The following KIF6 variants were observed in gnomAD, a reference collection of about 807,000 sequenced individuals.
KIF6 encodes kinesin-like protein KIF6.
Under a neutral mutation model 112.7 loss-of-function variants are expected in KIF6, and 106 were observed. The ratio of observed to expected loss-of-function variants is 0.94; its 90% confidence interval spans 0.80 to 1.11. The LOEUF (loss-of-function observed/expected upper bound fraction) is 1.11. KIF6 is among the 50% of genes least tolerant of loss of function. The pLI, the probability that KIF6 is intolerant of heterozygous loss-of-function variation, is 0.00. For synonymous variants in KIF6, 339 were observed against 339.9 expected, an observed-to-expected ratio of 1.00 and a Z score of 0.03; for missense variants, 929 against 964.0, an observed-to-expected ratio of 0.96 and a Z score of 0.48.
intron 13 of KIF6, among the ~76,000 whole-genome samples, chr6:39,445,760 G>T (rs761071330): frequency 6.6e-6 from 1 of 152,178 alleles, no homozygotes; most frequent in Non-Finnish European, 1.5e-5. Context: ...GAGGAAAGGG[G>T]GTCAGTGTTA....
chr6:39,441,160 A>G (rs747409365), intron 13 of KIF6, among the ~76,000 whole-genome samples: 11 of 152,188 alleles, frequency 7.2e-5, no homozygotes, highest in Non-Finnish European at 1.3e-4. Flanking sequence ...TTCACTCTTC[A>G]TACCCCTAGA....
intron 7 of KIF6, among the ~76,000 whole-genome samples, chr6:39,592,867 G>T (rs1207773046): frequency 6.6e-6 from 1 of 152,198 alleles, no homozygotes; most frequent in Admixed American, 6.5e-5. Context: ...AGGTCTCACA[G>T]TTATGGCCAA....
At chr6:39,565,566 C>T (rs1157040211) in intron 10 of KIF6, among the ~76,000 whole-genome samples, 1 of 152,186 alleles carries the variant, frequency 6.6e-6, no homozygotes, top group African/African-American at 2.4e-5. Context: ...CTTTAGCCCA[C>T]AGGTTTGTAA....
chr6:39,684,613 T>C (rs556193919), intron 3 of KIF6, among the ~76,000 whole-genome samples: 1 of 111,160 alleles, frequency 9.0e-6, no homozygotes, highest in African/African-American at 3.3e-5. Context: ...CAAACCTCTG[T>C]CTCAAAAAAA....
At chr6:39,721,781 TA>T (rs1234256756) in intron 1 of KIF6, among the ~76,000 whole-genome samples, 428 of 129,622 alleles carry the variant, frequency 3.3e-3, no homozygotes, top group East Asian at 0.02. Context: ...TAATGCACCA[TA>T]AAAAAAAAAA....
chr6:39,525,695 A>G (rs1006684270), intron 13 of KIF6, among the ~76,000 whole-genome samples: 1 of 152,086 alleles, frequency 6.6e-6, no homozygotes, highest in Non-Finnish European at 1.5e-5. Flanking sequence ...CGGAAGTTGC[A>G]GCAGGAGAAT....
chr6:39,645,811 T>C lies in KIF6; in HGVS notation c.252-6054A>G, dbSNP rs1785139540. Among the ~76,000 whole-genome samples, 3 of 152,248 alleles carry C rather than the reference T, an allele frequency of 2.0e-5. No homozygotes were observed. In the South Asian group the frequency reaches 6.2e-4, roughly 32 times the overall value. On this transcript the variant is annotated intron_variant, in intron 3 of 22. Transcript: ENST00000287152. ...GGCCATAAAAAATGATGAGTTCATG[T>C]CCTTTGTAGGGACACGGATGAAGCT...
Position 39,378,508 on chromosome 6 carries a change from G to A in KIF6, c.1861+7114C>T, listed in dbSNP as rs938333928. ...ACACGTACATACACAACAGACACAC[G>A]CATACACACACCCCAACTAACCCAA... On this transcript the variant is annotated intron_variant, in intron 16 of 22. Transcript: ENST00000287152. This position sits in a 1 kb window ranked among gnomAD's most constrained non-coding sequence, Gnocchi z 5.0. Among the ~76,000 whole-genome samples, 3 of 151,256 alleles carry A rather than the reference G, an allele frequency of 2.0e-5. No individual in the cohort carries two copies. The highest frequency in any genetic ancestry group is 2.4e-5 in the African/African-American group (1 of 41,122).
chr6:39,667,331 G>C (rs1424565829), intron 3 of KIF6, among the ~76,000 whole-genome samples: 2 of 152,170 alleles, frequency 1.3e-5, no homozygotes, highest in Non-Finnish European at 2.9e-5. Flanking sequence ...GGGCCAATGA[G>C]CCTGGAGTTC....
chr6:39,451,658 G>A (rs1030648951), intron 13 of KIF6, among the ~76,000 whole-genome samples: 1 of 152,198 alleles, frequency 6.6e-6, no homozygotes, highest in Non-Finnish European at 1.5e-5. Context: ...GCATGGCTGT[G>A]AGGATGGAAT....
chr6:39,464,053 T>C (rs1317485530), intron 13 of KIF6, among the ~76,000 whole-genome samples: 2 of 152,208 alleles, frequency 1.3e-5, no homozygotes, highest in Admixed American at 6.5e-5. Flanking sequence ...TTCTGCTACA[T>C]GTGTGTTATG....
intron 19 of KIF6, among the ~76,000 whole-genome samples, chr6:39,350,969 C>T (rs987775260): frequency 1.3e-5 from 2 of 152,154 alleles, no homozygotes; most frequent in Non-Finnish European, 2.9e-5. Flanking sequence ...ATTAGAGCAT[C>T]CAACCAGCTC....
intron 3 of KIF6, chr6:39,691,612 G>A (rs750905920): frequency 2.0e-5 from 3 of 152,078 alleles, no homozygotes; most frequent in African/African-American, 4.8e-5. Context: ...ATTGCTTGGT[G>A]GTGATTCCAT....
intron 3 of KIF6, among the ~76,000 whole-genome samples, chr6:39,664,424 A>C (rs1007333119): frequency 4.6e-5 from 7 of 152,190 alleles, no homozygotes; most frequent in African/African-American, 1.7e-4. Context: ...TGCATGCGGA[A>C]GGAGCTGGGA....
chr6:39,346,595 G>T, intron 19 of KIF6, 69 bp from the exon 20 acceptor site: 1 of 628,430 alleles, frequency 1.6e-6, no homozygotes, highest in South Asian at 1.9e-5. Context: ...AGCCTGAGCA[G>T]ACTAAGACAA....
chr6:39,682,091 C>G (rs1787552190), intron 3 of KIF6, among the ~76,000 whole-genome samples: 1 of 152,088 alleles, frequency 6.6e-6, no homozygotes, highest in Admixed American at 6.5e-5. Context: ...AATAAGAAGA[C>G]AGAAAAGAAC....
At chr6:39,620,121 T>C (rs142720721) in intron 5 of KIF6, among the ~76,000 whole-genome samples, 3 of 152,346 alleles carry the variant, frequency 2.0e-5, no homozygotes, top group Non-Finnish European at 4.4e-5. Flanking sequence ...TAGTATTCCT[T>C]GCTAATTTCT....
intron 13 of KIF6, among the ~76,000 whole-genome samples, chr6:39,493,694 T>G (rs907571811): frequency 6.6e-6 from 1 of 152,196 alleles, no homozygotes; most frequent in Non-Finnish European, 1.5e-5. Context: ...CTAGGTAAAT[T>G]GGCTATTTTC....
chr6:39,461,037 T>C (rs1773443642), intron 13 of KIF6, among the ~76,000 whole-genome samples: 1 of 152,226 alleles, frequency 6.6e-6, no homozygotes, highest in Admixed American at 6.5e-5. Flanking sequence ...CATTTCAATA[T>C]ATAATAAATG....
Sources: gnomAD v4.1 joint callset for allele counts (sites outside exome capture counted in the v4.1 genomes callset) on GRCh38, gnomAD v4.1.1 for gene constraint, Gnocchi (gnomAD v3.1) non-coding constraint, MANE v1.5 for transcripts, NCBI Gene and HGNC (gene_info 2026-07-23, HGNC 2026-07-21) for gene names.